SEC24B: variants seen among roughly 807,000 people sequenced by gnomAD.
SEC24B encodes protein transport protein Sec24B.
Under a neutral mutation model 142.8 loss-of-function variants are expected in SEC24B, and 45 were observed. The observed-to-expected ratio is 0.32, with a 90% confidence interval of 0.25 to 0.40. The LOEUF (loss-of-function observed/expected upper bound fraction) is 0.40, where lower values mean the gene tolerates loss of function less well. Among genes scored for constraint, SEC24B ranks in the 10% least tolerant of loss-of-function variants. The pLI is 1.00. For missense variants in SEC24B, 1,409 were observed against 1,526.8 expected (o/e 0.92, Z 1.29); for synonymous variants, 574 against 568.2 (o/e 1.01, Z -0.15).
rs956847251 is a variant in SEC24B at position 109,500,316 on chromosome 4, G to A, written c.1488+5460G>A. Among the ~76,000 whole-genome samples, 12 of 152,168 alleles carry A rather than the reference G, an allele frequency of 7.9e-5. 1 individual carries two copies. The highest frequency in any genetic ancestry group is 2.6e-4 in the African/African-American group (11 of 41,512). On this transcript the variant is annotated intron_variant, in intron 6 of 23. Transcript: ENST00000265175. ...CCCAGCACTTTGGGAGGCTGAGGTG[G>A]GTGGATCACCTGAGGTCAGGAGTTT... is the stretch of plus-strand genomic sequence containing the variant.
intron 10 of SEC24B, among the ~76,000 whole-genome samples, chr4:109,514,861 G>A (rs572541592): frequency 6.6e-6 from 1 of 152,210 alleles, no homozygotes; most frequent in Admixed American, 6.5e-5. Flanking sequence ...GTGTTCTTTT[G>A]TGTCTAATTT....
chr4:109,483,058 A>ATTTATGTATT (rs1180574521), intron 4 of SEC24B, among the ~76,000 whole-genome samples: 17 of 137,272 alleles, frequency 1.2e-4, no homozygotes, highest in African/African-American at 4.3e-4. Context: ...TTATGTATTT[A>ATTTATGTATT]TATATATATA....
At chr4:109,536,302 T>C (rs536639062) in intron 22 of SEC24B, among the ~76,000 whole-genome samples, 44 of 152,178 alleles carry the variant, frequency 2.9e-4, no homozygotes, top group Admixed American at 2.7e-3. Flanking sequence ...CAGAAACAGA[T>C]CTAATTAATG....
At chr4:109,456,789 T>C (rs1389068565) in intron 1 of SEC24B, among the ~76,000 whole-genome samples, 1 of 152,244 alleles carries the variant, frequency 6.6e-6, no homozygotes. Context: ...TGTTGTTTTC[T>C]ATTTGCTGAA....
At chr4:109,483,228 C>T (rs902417254) in intron 4 of SEC24B, among the ~76,000 whole-genome samples, 14 of 150,478 alleles carry the variant, frequency 9.3e-5, no homozygotes, top group Non-Finnish European at 1.3e-4. Flanking sequence ...TACAGGCACC[C>T]GCCACCACGC....
rs750908363 is a variant in SEC24B, at chr4:109,463,073, G to A, written c.306G>A (p.Val102=). 8 of 1,613,996 alleles carry A rather than the reference G, an allele frequency of 5.0e-6. No homozygotes were observed. The East Asian group carries it at 1.6e-4, about 31-fold the overall frequency. Residue 102 remains valine (V), a synonymous_variant, in exon 2 of 24, where the codon GTG becomes GTA. Coordinates refer to ENST00000265175, the MANE Select transcript of SEC24B (RefSeq NM_006323.5). ...TCTATACAGTACCAACACAAAATGT[G>A]ACTCCTAACACAGTGAACCAGCAAC... is the stretch of plus-strand genomic sequence containing the variant. ...SALYTVPTQN[V]TPNTVNQQPG...
At chr4:109,462,150 C>T (rs1561084443) in intron 1 of SEC24B, among the ~76,000 whole-genome samples, 2 of 152,094 alleles carry the variant, frequency 1.3e-5, no homozygotes, top group Admixed American at 6.5e-5. Context: ...GAACCATGAT[C>T]ATGCCATCGC....
intron 4 of SEC24B, among the ~76,000 whole-genome samples, chr4:109,483,003 C>CATATACACACACACAT (rs1554001151): frequency 7.1e-5 from 6 of 84,080 alleles, no homozygotes; most frequent in African/African-American, 4.1e-4. Context: ...CACACACACA[C>CATATACACACACACAT]ATATTATACA....
At chr4:109,473,265 T>G in intron 3 of SEC24B, 79 bp downstream of exon 3, 1 of 996,246 alleles carries the variant, frequency 1.0e-6, no homozygotes, top group Non-Finnish European at 1.4e-6. Context: ...AAGTTACTTA[T>G]AATCTCAATC....
At chr4:109,475,019 A>G (rs1429372267) in intron 3 of SEC24B, among the ~76,000 whole-genome samples, 1 of 152,224 alleles carries the variant, frequency 6.6e-6, no homozygotes, top group African/African-American at 2.4e-5. Context: ...CAAGACTACA[A>G]GTTAATAAGT....
chr4:109,521,268 C>T, intron 13 of SEC24B, 96 bp downstream of exon 13: 1 of 982,744 alleles, frequency 1.0e-6, no homozygotes, highest in Non-Finnish European at 1.5e-6. Flanking sequence ...ATTAGTATTA[C>T]AAATAATAGA....
chr4:109,512,084 G>T lies in SEC24B; in HGVS notation c.1903+1G>T. ...AATTTGTGCTATAGAGTAAACGATGGTGAGTTTTAGATTCTTAATTGTGTT... is the reference window on the plus strand; with the variant it reads ...AATTTGTGCTATAGAGTAAACGATGTTGAGTTTTAGATTCTTAATTGTGTT... On this transcript the variant is annotated splice_donor_variant, in intron 9 of 23. Coordinates refer to ENST00000265175, the MANE Select transcript of SEC24B (RefSeq NM_006323.5). LOFTEE classifies it high-confidence loss of function. 6.2e-7 allele frequency: 1 copy of T among 1,602,284 alleles called. No homozygotes were observed. The highest frequency in any genetic ancestry group is 8.5e-7 in the Non-Finnish European group (1 of 1,176,620).
intron 13 of SEC24B, 82 bp from the exon 14 acceptor site, chr4:109,521,338 C>A: frequency 8.1e-7 from 1 of 1,231,176 alleles, no homozygotes; most frequent in Non-Finnish European, 1.2e-6. Context: ...TACAGTGACA[C>A]ATGATACACT....
intron 6 of SEC24B, among the ~76,000 whole-genome samples, chr4:109,497,418 C>T (rs1030712445): frequency 6.6e-6 from 1 of 152,016 alleles, no homozygotes. Flanking sequence ...GGGTCTAGTA[C>T]AAGTGTTAGG....
chr4:109,508,168 A>G (rs1353870836), intron 7 of SEC24B, among the ~76,000 whole-genome samples: 2 of 152,186 alleles, frequency 1.3e-5, no homozygotes, highest in Non-Finnish European at 2.9e-5. Context: ...TTATAGGTTG[A>G]AAACAGCTGC....
At chr4:109,496,665 A>G (rs961260561) in intron 6 of SEC24B, among the ~76,000 whole-genome samples, 3 of 152,174 alleles carry the variant, frequency 2.0e-5, no homozygotes, top group Admixed American at 2.0e-4. Flanking sequence ...GGCAAAAGAA[A>G]AAGGAAAATT....
intron 1 of SEC24B, among the ~76,000 whole-genome samples, chr4:109,448,641 C>G (rs1387146081): frequency 6.6e-6 from 1 of 152,056 alleles, no homozygotes; most frequent in Non-Finnish European, 1.5e-5. Flanking sequence ...TGGGGTTTCG[C>G]CATGTTGGTC....
At chr4:109,455,937 A>G (rs1397850242) in intron 1 of SEC24B, among the ~76,000 whole-genome samples, 2 of 152,174 alleles carry the variant, frequency 1.3e-5, no homozygotes, top group African/African-American at 2.4e-5. Context: ...GGTGTTGTTT[A>G]TTATGATTGC....
chr4:109,514,077 T>G (rs1411296764), intron 10 of SEC24B, among the ~76,000 whole-genome samples: 2 of 152,246 alleles, frequency 1.3e-5, no homozygotes, highest in African/African-American at 4.8e-5. Flanking sequence ...TAGTTCTGTC[T>G]TATGATGGGC....
Sources: gnomAD v4.1 joint callset for allele counts (sites outside exome capture counted in the v4.1 genomes callset) on GRCh38, gnomAD v4.1.1 for gene constraint, MANE v1.5 for transcripts, NCBI Gene and HGNC (gene_info 2026-07-23, HGNC 2026-07-21) for gene names.